The following CCNI2 variants were observed in gnomAD, a reference collection of about 807,000 sequenced individuals.
The protein encoded by CCNI2 is cyclin-I2.
Under a neutral mutation model 33.2 loss-of-function variants are expected in CCNI2, and 32 were observed. The observed-to-expected ratio is 0.96, with a 90% CI of 0.73 to 1.30. The LOEUF is 1.30. Ranked by LOEUF, CCNI2 falls within the 50% of genes most tolerant of loss-of-function variation. The probability of loss-of-function intolerance (pLI) is 0.00; values close to 1 mark genes in which losing one functional copy is unlikely to be tolerated. For synonymous variants in CCNI2, 231 were observed against 219.9 expected, an observed-to-expected ratio of 1.05 and a Z score of -0.45; for missense variants, 452 against 486.2, an observed-to-expected ratio of 0.93 and a Z score of 0.66.
At position 132,747,853 on chromosome 5, in the gene CCNI2, C is replaced by A; in HGVS notation, c.358C>A (p.Arg120Ser). 1 of 1,471,282 alleles carries A rather than the reference C, an allele frequency of 6.8e-7. No individual in the cohort carries two copies. Among genetic ancestry groups the A allele is most frequent in the South Asian group, 1.3e-5 (1 of 76,426 alleles). 91.1% of individuals were successfully genotyped at this position (1,471,282 alleles called of 1,614,324 possible). The change falls in exon 1 of 6, where the codon CGC (arginine) becomes AGC (serine). Residue 120 changes from arginine (R) to serine (S), a missense_variant. By Grantham distance (110) the Arg-to-Ser change is moderately radical. Transcript: ENST00000378731. The surrounding 1 kb of genome is among the most constrained non-coding windows in gnomAD (Gnocchi z 4.1). ...PRNLEGDLDE[R>S]RLLCHLQLAQ... The stretch of plus-strand genomic sequence containing the variant: ...CAACCTGGAAGGCGACCTGGACGAG[C>A]GCCGGCTGCTCTGCCACTTGCAGCT...
rs1382892725 is a variant in CCNI2, at chr5:132,747,466, G to C, written c.-30G>C. Reference sequence around the variant, plus strand: ...GGGTTATAAAATGCCGGGTTAAGCGGCAACTCAGACTCAGGATCCCGCTCA... The same window carrying C: ...GGGTTATAAAATGCCGGGTTAAGCGCCAACTCAGACTCAGGATCCCGCTCA... On this transcript the variant is annotated 5_prime_UTR_variant, in exon 1 of 6. Transcript: ENST00000378731. The surrounding 1 kb of genome is among the most constrained non-coding windows in gnomAD (Gnocchi z 4.1). The C allele has an allele frequency of 1.4e-6, 2 of 1,415,106 alleles. No individual in the cohort carries two copies. Among genetic ancestry groups the C allele is most frequent in the African/African-American group, 1.5e-5 (1 of 66,590 alleles). 87.7% of individuals were successfully genotyped at this position (1,415,106 alleles called of 1,614,324 possible).
chr5:132,751,591 AACTGGCC>A (rs1315665655), intron 4 of CCNI2: 1 of 293,290 alleles, frequency 3.4e-6, no homozygotes, highest in Non-Finnish European at 6.3e-6. Flanking sequence ...TCATTACGAA[AACTGGCC>A]ACCGTTGCCA....
downstream of CCNI2, chr5:132,754,488 G>A: frequency 1.4e-6 from 1 of 717,502 alleles, no homozygotes; most frequent in South Asian, 1.5e-5. Context: ...ATGGATGTGA[G>A]CTGGATTCTG....
chr5:132,753,612 C>G lies in CCNI2; in HGVS notation c.*642C>G, dbSNP rs1312541605. The G allele has an allele frequency of 6.6e-6, 1 of 152,502 alleles. No individual in the cohort carries two copies. The highest frequency in any genetic ancestry group is 1.5e-5 in the Non-Finnish European group (1 of 68,278). The allele number at this position is 152,502 out of a possible 1,614,324, so 9.4% of individuals were successfully genotyped here. A position where few individuals can be genotyped will look rare whatever the true frequency, so the allele number is the denominator to read the frequency against. ...TTGAGCAAGCTTTAGGCATATCTTT[C>G]CTTTGTTACTCTTAAGCAAAGTGGT... On this transcript the variant is annotated 3_prime_UTR_variant, in exon 6 of 6. Transcript: ENST00000378731.
Position 132,747,979 on chromosome 5 carries a change from C to T in CCNI2, c.429+55C>T, listed in dbSNP as rs116690599. ...GCGCGTGCACGGCAGGCGGATGTGG[C>T]CTCCACCTGCACCCGCGCTCGGGTG... On this transcript the variant is annotated intron_variant, in intron 1 of 5. Transcript: ENST00000378731. This position sits in a 1 kb window ranked among gnomAD's most constrained non-coding sequence, Gnocchi z 4.1. 8,035 of 1,348,678 alleles carry T rather than the reference C, an allele frequency of 6.0e-3. 357 individuals carry two copies. In the African/African-American group the frequency reaches 0.1, roughly 17 times the overall value. The allele number at this position is 1,348,678 out of a possible 1,614,324, so 83.5% of individuals were successfully genotyped here.
intron 5 of CCNI2, among the ~76,000 whole-genome samples, 183 bp from the exon 6 acceptor site, chr5:132,752,683 A>G (rs1754954338): frequency 6.6e-6 from 1 of 152,174 alleles, no homozygotes; most frequent in Non-Finnish European, 1.5e-5. Flanking sequence ...ATGCATAGTT[A>G]GACTAATGAC....
rs548714263 is a variant in CCNI2 at position 132,749,404 on chromosome 5, A to C, written c.615A>C (p.Lys205Asn). Residue 205 changes from lysine to asparagine, a missense_variant, in exon 3 of 6, where the codon AAA becomes AAC. Lys to Asn is a moderately conservative substitution (Grantham distance 94). Transcript: ENST00000378731. ...ATITSLRLAA[K>N]VNEEEEFIPQ... is the part of the protein sequence containing the mutation. Reference sequence around the variant, plus strand: ...TTACTTCCTTGAGGCTCGCTGCAAAAGTTAATGAAGAAGAGGAGGTATGCA... The same window carrying C: ...TTACTTCCTTGAGGCTCGCTGCAAACGTTAATGAAGAAGAGGAGGTATGCA... 1.8e-5 allele frequency: 29 copies of C among 1,614,112 alleles called. No individual in the cohort carries two copies. The African/African-American group carries it at 3.3e-4, about 19-fold the overall frequency.
chr5:132,747,504 G>T lies in CCNI2; in HGVS notation c.9G>T (p.Ser3=). 6.8e-7 allele frequency: 1 copy of T among 1,481,078 alleles called. No individual in the cohort carries two copies. The highest frequency in any genetic ancestry group is 1.3e-5 in the South Asian group (1 of 77,162). 91.7% of individuals were successfully genotyped at this position (1,481,078 alleles called of 1,614,324 possible). A position where few individuals can be genotyped will look rare whatever the true frequency, so the allele number is the denominator to read the frequency against. ...AGGATCCCGCTCACGACATGGCCTC[G>T]GGCGCTCAGCTCCCGCCGCAGCCGT... The part of the protein sequence containing the change: MA[S]GAQLPPQPSS... Residue 3 remains serine, a synonymous_variant, in exon 1 of 6, where the codon TCG becomes TCT. Coordinates refer to ENST00000378731, the MANE Select transcript of CCNI2 (RefSeq NM_001039780.4). This position sits in a 1 kb window ranked among gnomAD's most constrained non-coding sequence, Gnocchi z 4.1.
Position 132,747,819 on chromosome 5 carries a change from C to G in CCNI2, c.324C>G (p.Arg108=), listed in dbSNP as rs1312156182. 6.7e-7 allele frequency: 1 copy of G among 1,482,070 alleles called. No homozygotes were observed. The highest frequency in any genetic ancestry group is 8.9e-7 in the Non-Finnish European group (1 of 1,124,114). The allele number at this position is 1,482,070 out of a possible 1,614,324, so 91.8% of individuals were successfully genotyped here. A position where few individuals can be genotyped will look rare whatever the true frequency, so the allele number is the denominator to read the frequency against. ...CTCCGCGGCCGGCTCCACAGTCCCG[C>G]AAGCCGCGCAACCTGGAAGGCGACC... ...EQAPRPAPQS[R]KPRNLEGDLD... is the part of the protein sequence containing the mutation. Residue 108 remains arginine (R), a synonymous_variant, in exon 1 of 6, where the codon CGC becomes CGG. Coordinates refer to ENST00000378731, the MANE Select transcript of CCNI2 (RefSeq NM_001039780.4). This position sits in a 1 kb window ranked among gnomAD's most constrained non-coding sequence, Gnocchi z 4.1.
downstream of CCNI2, chr5:132,754,661 T>A (rs1755172538): frequency 5.0e-6 from 3 of 604,338 alleles, no homozygotes; most frequent in South Asian, 6.3e-5. Context: ...CGTGGATTTT[T>A]AAAAATCTTA....
Position 132,754,209 on chromosome 5 carries a change from CGA to C in CCNI2, c.*1243_*1244del. The C allele has an allele frequency of 1.8e-6, 1 of 545,500 alleles. No homozygotes were observed. 33.8% of individuals were successfully genotyped at this position (545,500 alleles called of 1,614,324 possible). ...TTGAGCTACCATGCATTTAGCCTTG[CGA>C]GAGTCAGATACATTTGGAACACTAT... On this transcript the variant is annotated 3_prime_UTR_variant, in exon 6 of 6. Transcript: ENST00000378731.
At chr5:132,755,992 C>T, downstream of CCNI2, 1 of 985,204 alleles carries the variant, frequency 1.0e-6, no homozygotes, top group Admixed American at 6.1e-5. Flanking sequence ...CCAAAAAAGA[C>T]ACCACAAAAA....
rs1755124084 is a variant in CCNI2, at chr5:132,754,158, G to A, written c.*1188G>A. 2 of 426,926 alleles carry A rather than the reference G, an allele frequency of 4.7e-6. No individual in the cohort carries two copies. Among genetic ancestry groups the A allele is most frequent in the African/African-American group, 2.0e-5 (1 of 50,344 alleles). 26.4% of individuals were successfully genotyped at this position (426,926 alleles called of 1,614,324 possible). On this transcript the variant is annotated 3_prime_UTR_variant, in exon 6 of 6. Coordinates refer to ENST00000378731, the MANE Select transcript of CCNI2 (RefSeq NM_001039780.4). Reference sequence around the variant, plus strand: ...CTTTCGTTAAAATTACACTTTAATTGCTTCCGATCCTGTATGAGTCTTATT... The same window carrying A: ...CTTTCGTTAAAATTACACTTTAATTACTTCCGATCCTGTATGAGTCTTATT...
In CCNI2 at chr5:132,747,908, G is replaced by C; in HGVS notation, c.413G>C (p.Arg138Pro). Residue 138 changes from arginine (R) to proline (P), a missense_variant, in exon 1 of 6, where the codon CGG (arginine) becomes CCG (proline). Transcript: ENST00000378731. The surrounding 1 kb of genome is among the most constrained non-coding windows in gnomAD (Gnocchi z 4.1). ...LAQDREARLW[R>P]GGKPQDEICD... ...CAGGACCGCGAGGCGCGCCTGTGGC[G>C]GGGCGGCAAACCCCAGGTACCCGTC... The C allele has an allele frequency of 7.2e-7, 1 of 1,386,188 alleles. No individual in the cohort carries two copies. Among genetic ancestry groups the C allele is most frequent in the South Asian group, 1.6e-5 (1 of 61,284 alleles). 85.9% of individuals were successfully genotyped at this position (1,386,188 alleles called of 1,614,324 possible). A position where few individuals can be genotyped will look rare whatever the true frequency, so the allele number is the denominator to read the frequency against.
rs370845053 is a variant in CCNI2 at position 132,748,145 on chromosome 5, C to T, written c.430-202C>T. 1.3e-3 allele frequency among the ~76,000 whole-genome samples: 193 copies of T among 152,316 alleles called. 1 individual carries two copies. The highest frequency in any genetic ancestry group is 4.5e-3 in the African/African-American group (189 of 41,562). On this transcript the variant is annotated intron_variant, in intron 1 of 5. Coordinates refer to ENST00000378731, the MANE Select transcript of CCNI2 (RefSeq NM_001039780.4). ...GGCCTGTTTGAATCAAGGAACTCAG[C>T]CTACGACGAAAAGTGGGCGCGAGGG...
Position 132,747,459 on chromosome 5 carries a change from T to G in CCNI2, c.-37T>G, listed in dbSNP as rs2149932439. ...GGGAGCTGGGTTATAAAATGCCGGG[T>G]TAAGCGGCAACTCAGACTCAGGATC... On this transcript the variant is annotated 5_prime_UTR_variant, in exon 1 of 6. Coordinates refer to ENST00000378731, the MANE Select transcript of CCNI2 (RefSeq NM_001039780.4). This position sits in a 1 kb window ranked among gnomAD's most constrained non-coding sequence, Gnocchi z 4.1. 7.1e-7 allele frequency: 1 copy of G among 1,402,582 alleles called. No individual in the cohort carries two copies. 86.9% of individuals were successfully genotyped at this position (1,402,582 alleles called of 1,614,324 possible).
At position 132,752,997 on chromosome 5, in the gene CCNI2, C is replaced by A. The variant is rs761410942; in HGVS notation, c.*27C>A. On this transcript the variant is annotated 3_prime_UTR_variant, in exon 6 of 6. Coordinates refer to ENST00000378731, the MANE Select transcript of CCNI2 (RefSeq NM_001039780.4). ...CCCTCTGCCTCCACCCCGGGGCTTT[C>A]AGAGCATAGTGTGAAACCTCCTTGC... The A allele has an allele frequency of 5.2e-5, 81 of 1,561,490 alleles. 1 individual carries two copies. Among genetic ancestry groups the A allele is most frequent in the Non-Finnish European group, 6.8e-5 (77 of 1,132,710 alleles).
rs576613987 is a variant in CCNI2 at position 132,748,439 on chromosome 5, C to G, written c.522C>G (p.Ala174=). Residue 174 remains alanine, a synonymous_variant, in exon 2 of 6, where the codon GCC becomes GCG. Transcript: ENST00000378731. Reference sequence around the variant, plus strand: ...TCTCCCAGTCCACTTTTAACCTGGCCCTCACCATCTTTGGCCGCCTCCTGA... The same window carrying G: ...TCTCCCAGTCCACTTTTAACCTGGCGCTCACCATCTTTGGCCGCCTCCTGA... The part of the protein sequence containing the change: ...FYFSQSTFNL[A]LTIFGRLLIS... 126 of 1,614,148 alleles carry G rather than the reference C, an allele frequency of 7.8e-5. 2 individuals carry two copies. The South Asian group carries it at 1.3e-3, about 17-fold the overall frequency.
chr5:132,750,730 AT>A, intron 3 of CCNI2, 126 bp from the exon 4 acceptor site: 1 of 940,116 alleles, frequency 1.1e-6, no homozygotes, highest in Non-Finnish European at 1.6e-6. Context: ...TTTCAGAAGC[AT>A]TTTCTGTGGC....
Sources: gnomAD v4.1 joint callset for allele counts (sites outside exome capture counted in the v4.1 genomes callset) on GRCh38, gnomAD v4.1.1 for gene constraint, Gnocchi (gnomAD v3.1) non-coding constraint, MANE v1.5 for transcripts, NCBI Gene and HGNC (gene_info 2026-07-23, HGNC 2026-07-21) for gene names.